FRMD4A: variants seen among roughly 807,000 people sequenced by gnomAD.
The protein encoded by FRMD4A is FERM domain-containing protein 4A.
FRMD4A carries 29 observed loss-of-function variants against 129.1 expected under a neutral mutation model. That is an observed-to-expected ratio of 0.22 (90% CI 0.17 to 0.31). The LOEUF (loss-of-function observed/expected upper bound fraction) is 0.31, where lower values mean the gene tolerates loss of function less well. FRMD4A is among the 10% of genes least tolerant of loss of function. The pLI is 1.00. For missense variants in FRMD4A, 1,272 were observed against 1,375.8 expected (o/e 0.92, Z 1.19); for synonymous variants, 634 against 571.6 (o/e 1.11, Z -1.56).
At chr10:14,158,875 T>A (rs1340711252) in intron 2 of FRMD4A, among the ~76,000 whole-genome samples, 13 of 132,130 alleles carry the variant, frequency 9.8e-5, no homozygotes, top group Non-Finnish European at 1.5e-4. Flanking sequence ...GAGGAGGAGG[T>A]AGCCTTCTAT....
intron 2 of FRMD4A, among the ~76,000 whole-genome samples, chr10:13,978,380 C>A (rs760797881): frequency 6.6e-6 from 1 of 152,160 alleles, no homozygotes; most frequent in African/African-American, 2.4e-5. Flanking sequence ...TGTCCTCTTC[C>A]TCTCTCAACA....
intron 2 of FRMD4A, among the ~76,000 whole-genome samples, chr10:14,040,435 G>A (rs765445168): frequency 1.3e-5 from 2 of 152,154 alleles, no homozygotes; most frequent in Non-Finnish European, 2.9e-5. Flanking sequence ...TCTCCATTGT[G>A]TAATGGAGAG....
chr10:13,822,934 A>G (rs1483698579), intron 3 of FRMD4A, among the ~76,000 whole-genome samples: 4 of 151,966 alleles, frequency 2.6e-5, no homozygotes, highest in African/African-American at 9.7e-5. Context: ...CCCAGGGGTG[A>G]GGTCTCCCTG....
chr10:14,197,921 A>C (rs1170808939), intron 2 of FRMD4A, among the ~76,000 whole-genome samples: 1 of 152,194 alleles, frequency 6.6e-6, no homozygotes, highest in Non-Finnish European at 1.5e-5. Flanking sequence ...ATCACTGACC[A>C]TGTGTCATAC....
chr10:14,127,812 A>G (rs1243713960), intron 2 of FRMD4A, among the ~76,000 whole-genome samples: 1 of 152,196 alleles, frequency 6.6e-6, no homozygotes, highest in Admixed American at 6.5e-5. Flanking sequence ...TCCATCCTTC[A>G]GAAATCAGTT....
intron 12 of FRMD4A, among the ~76,000 whole-genome samples, chr10:13,714,457 A>C (rs1276208994): frequency 6.6e-6 from 1 of 151,978 alleles, no homozygotes; most frequent in Non-Finnish European, 1.5e-5. Context: ...TTTTTACAAA[A>C]AAAGAAGACA....
At chr10:14,194,761 C>T (rs1842426677) in intron 2 of FRMD4A, among the ~76,000 whole-genome samples, 1 of 151,924 alleles carries the variant, frequency 6.6e-6, no homozygotes, top group African/African-American at 2.4e-5. Flanking sequence ...GTAAAATCTT[C>T]TTTTGGTTCT....
chr10:13,839,310 C>T (rs1337858750), intron 3 of FRMD4A, among the ~76,000 whole-genome samples: 1 of 152,082 alleles, frequency 6.6e-6, no homozygotes, highest in Non-Finnish European at 1.5e-5. Flanking sequence ...CCAGCCAGGA[C>T]CACCATTTCT....
chr10:13,946,844 T>C (rs367709143), intron 2 of FRMD4A, among the ~76,000 whole-genome samples: 1 of 152,204 alleles, frequency 6.6e-6, no homozygotes, highest in African/African-American at 2.4e-5. Context: ...TATACCTGGC[T>C]GAGTGCTGTG....
intron 3 of FRMD4A, among the ~76,000 whole-genome samples, chr10:13,844,585 G>A (rs1182834265): frequency 6.6e-6 from 1 of 152,100 alleles, no homozygotes; most frequent in East Asian, 1.9e-4. Context: ...TAAAATTTAA[G>A]AATCACTGTA....
intron 2 of FRMD4A, among the ~76,000 whole-genome samples, chr10:14,299,975 G>C (rs902925266): frequency 1.3e-5 from 2 of 152,054 alleles, no homozygotes; most frequent in Admixed American, 1.3e-4. Flanking sequence ...ATGAGAAAGA[G>C]AAAGTGCAAA....
chr10:14,038,387 T>C (rs1833607923), intron 2 of FRMD4A, among the ~76,000 whole-genome samples: 1 of 152,124 alleles, frequency 6.6e-6, no homozygotes, highest in African/African-American at 2.4e-5. Flanking sequence ...TATTAATGGC[T>C]CCCTTATGTA....
intron 2 of FRMD4A, among the ~76,000 whole-genome samples, chr10:14,145,018 T>C (rs1036908951): frequency 1.1e-4 from 17 of 152,208 alleles, no homozygotes; most frequent in South Asian, 2.1e-4. Context: ...TAGATTGTGG[T>C]GGGAGCAAAA....
At position 14,005,006 on chromosome 10, in the gene FRMD4A, ATTTCTTTC is replaced by A. The variant is rs200719267; in HGVS notation, c.46-146102_46-146095del. On this transcript the variant is annotated intron_variant, in intron 2 of 24. Coordinates refer to ENST00000357447, the MANE Select transcript of FRMD4A (RefSeq NM_018027.5). ...TCCCATACCAAACGTGGCATTTTAT[ATTTCTTTC>A]TTTCTTTCTTTCTTTCTTTTTTTTT... Among the ~76,000 whole-genome samples the A allele has an allele frequency of 1.8e-3, 265 of 150,422 alleles. 1 individual carries two copies. The highest frequency in any genetic ancestry group is 2.7e-3 in the African/African-American group (112 of 40,880).
At chr10:14,080,456 A>G (rs1393819602) in intron 2 of FRMD4A, among the ~76,000 whole-genome samples, 5 of 152,012 alleles carry the variant, frequency 3.3e-5, no homozygotes, top group Non-Finnish European at 7.4e-5. Context: ...CCAGCACCTC[A>G]GACTCTTTCT....
At chr10:14,133,306 G>C (rs1015222411) in intron 2 of FRMD4A, among the ~76,000 whole-genome samples, 1 of 152,188 alleles carries the variant, frequency 6.6e-6, no homozygotes, top group African/African-American at 2.4e-5. Context: ...TAATGAAACA[G>C]TTTGCTTTTA....
intron 2 of FRMD4A, among the ~76,000 whole-genome samples, chr10:14,217,824 C>A (rs1032492172): frequency 6.6e-6 from 1 of 151,896 alleles, no homozygotes; most frequent in Non-Finnish European, 1.5e-5. Flanking sequence ...TATTTTTACT[C>A]TCTCTCTCTT....
chr10:13,991,706 A>G (rs908228826), intron 2 of FRMD4A: 1 of 152,612 alleles, frequency 6.6e-6, no homozygotes, highest in Non-Finnish European at 1.5e-5. Flanking sequence ...ACTTTGTTCT[A>G]TTTTTTACTC....
At chr10:14,021,656 G>T (rs1588797135) in intron 2 of FRMD4A, among the ~76,000 whole-genome samples, 1 of 151,920 alleles carries the variant, frequency 6.6e-6, no homozygotes, top group Non-Finnish European at 1.5e-5. Flanking sequence ...AATCTAGAGG[G>T]GATACTCAGA....
Sources: gnomAD v4.1 joint callset for allele counts (sites outside exome capture counted in the v4.1 genomes callset) on GRCh38, gnomAD v4.1.1 for gene constraint, MANE v1.5 for transcripts, NCBI Gene and HGNC (gene_info 2026-07-23, HGNC 2026-07-21) for gene names.